IFT43: variants seen among roughly 807,000 people sequenced by gnomAD.
IFT43 encodes the protein intraflagellar transport protein 43 homolog.
In IFT43, 33 loss-of-function variants were observed where a neutral mutation model predicts 32.3. The observed-to-expected ratio is 1.02, with a 90% CI of 0.77 to 1.37. The LOEUF is 1.37. IFT43 is among the 40% of genes most tolerant of loss of function. The probability of loss-of-function intolerance (pLI) is 0.00; values close to 1 mark genes in which losing one functional copy is unlikely to be tolerated. For missense variants in IFT43, 274 were observed against 265.9 expected (o/e 1.03, Z -0.21); for synonymous variants, 93 against 98.2 (o/e 0.95, Z 0.31).
chr14:76,083,875 G>A (rs753940658), downstream of IFT43: 22 of 541,544 alleles, frequency 4.1e-5, no homozygotes, highest in African/African-American at 1.3e-4. Flanking sequence ...CGATTCAGGC[G>A]GAGAAGGAGT....
chr14:76,077,858 C>A (rs1031396707), intron 5 of IFT43, among the ~76,000 whole-genome samples: 1 of 152,188 alleles, frequency 6.6e-6, no homozygotes, highest in South Asian at 2.1e-4. Context: ...CTGGCTGAAT[C>A]CTGATTCTCC....
chr14:76,026,844 A>G (rs574458550), intron 3 of IFT43, among the ~76,000 whole-genome samples: 171 of 152,346 alleles, frequency 1.1e-3, no homozygotes, highest in Non-Finnish European at 2.0e-3. Flanking sequence ...ATGTTCATCA[A>G]TGGTAGACTG....
chr14:76,042,715 A>G (rs1215636158), intron 3 of IFT43, among the ~76,000 whole-genome samples: 1 of 152,194 alleles, frequency 6.6e-6, no homozygotes, highest in Admixed American at 6.5e-5. Flanking sequence ...ATTGGAAATG[A>G]TTGTCCCTTC....
At chr14:76,055,078 C>T (rs1355294118) in intron 3 of IFT43, among the ~76,000 whole-genome samples, 1 of 152,190 alleles carries the variant, frequency 6.6e-6, no homozygotes, top group African/African-American at 2.4e-5. Flanking sequence ...AGCACAGTGG[C>T]CCATGCCTGA....
chr14:76,082,842 A>G, intron 7 of IFT43, 150 bp downstream of exon 7: 1 of 739,302 alleles, frequency 1.4e-6, no homozygotes, highest in Non-Finnish European at 2.5e-6. Context: ...TGCAGGTTTT[A>G]TCATCATTCA....
Position 76,082,599 on chromosome 14 carries a change from G to A in IFT43, c.369-18G>A, listed in dbSNP as rs199590828. 4.7e-4 allele frequency: 758 copies of A among 1,614,016 alleles called. No homozygotes were observed. Among genetic ancestry groups the A allele is most frequent in the Admixed American group, 7.8e-4 (47 of 60,016 alleles). On this transcript the variant is annotated intron_variant, in intron 6 of 8. Coordinates refer to ENST00000314067, the MANE Select transcript of IFT43 (RefSeq NM_001102564.3). ...GTCCTGCCTGGGGTTCCCGCCTCTC[G>A]CTCTCTCTTTCCTTCAGCATCCAGA...
intron 2 of IFT43, among the ~76,000 whole-genome samples, chr14:76,012,911 T>C (rs79932646): frequency 6.6e-5 from 10 of 152,362 alleles, no homozygotes; most frequent in Non-Finnish European, 1.3e-4. Flanking sequence ...TTTTGAATTC[T>C]AGGATCAGGC....
At chr14:76,079,748 TC>T (rs1487379866) in intron 5 of IFT43, among the ~76,000 whole-genome samples, 6 of 152,244 alleles carry the variant, frequency 3.9e-5, no homozygotes. Context: ...TCTGTTAAAA[TC>T]GTGTGCTTTG....
chr14:76,075,869 G>C (rs749840665), intron 5 of IFT43, among the ~76,000 whole-genome samples: 3 of 152,214 alleles, frequency 2.0e-5, no homozygotes, highest in Non-Finnish European at 4.4e-5. Context: ...AAGTTTTGTA[G>C]CTGCAGAGAA....
At chr14:76,058,908 A>G in intron 4 of IFT43, 1 of 1,461,054 alleles carries the variant, frequency 6.8e-7, no homozygotes, top group Non-Finnish European at 9.0e-7. Flanking sequence ...TTTTAGAATT[A>G]TATGTCCAGG....
chr14:76,020,876 G>A (rs2036277307), intron 2 of IFT43, among the ~76,000 whole-genome samples: 1 of 152,174 alleles, frequency 6.6e-6, no homozygotes, highest in Non-Finnish European at 1.5e-5. Flanking sequence ...GGGTGGCAGT[G>A]GTGGGCCAGG....
Position 76,082,334 on chromosome 14 carries a change from A to G in IFT43, c.335A>G (p.Glu112Gly). 1 of 1,613,850 alleles carries G rather than the reference A, an allele frequency of 6.2e-7. No homozygotes were observed. The highest frequency in any genetic ancestry group is 1.1e-5 in the South Asian group (1 of 91,064). ...IIPDLEEVQE[E>G]DFVLQVAAPP... ...CCGGATCTGGAGGAAGTACAGGAAG[A>G]AGACTTTGTTTTGCAGGTGGCAGCC... The change falls in exon 6 of 9, where the codon GAA becomes GGA. Residue 112 changes from glutamate (E) to glycine (G), a missense_variant. Transcript: ENST00000314067.
At chr14:76,060,924 A>G (rs944410636) in intron 5 of IFT43, among the ~76,000 whole-genome samples, 7 of 137,480 alleles carry the variant, frequency 5.1e-5, no homozygotes. Context: ...TTTTTGAGAC[A>G]GGGTCTCACT....
chr14:76,038,102 T>C lies in IFT43; in HGVS notation c.215+15708T>C, dbSNP rs1289364816. ...AGCCGCAAAGAACCCGGAATCAGTA[T>C]GGCATGACCGGAGTCCTGGGCAACG... On this transcript the variant is annotated intron_variant, in intron 3 of 8. Coordinates refer to ENST00000314067, the MANE Select transcript of IFT43 (RefSeq NM_001102564.3). 4 of 152,340 alleles carry C rather than the reference T, an allele frequency of 2.6e-5. No homozygotes were observed. In the East Asian group the frequency reaches 5.8e-4, roughly 22 times the overall value. 9.4% of individuals were successfully genotyped at this position (152,340 alleles called of 1,614,324 possible). A position where few individuals can be genotyped will look rare whatever the true frequency, so the allele number is the denominator to read the frequency against.
intron 3 of IFT43, among the ~76,000 whole-genome samples, chr14:76,034,491 A>G (rs965969703): frequency 1.3e-5 from 2 of 152,198 alleles, no homozygotes; most frequent in Admixed American, 6.5e-5. Context: ...GCAGCACCTT[A>G]TATGTGCATT....
chr14:76,043,889 T>A (rs1341370841), intron 3 of IFT43, among the ~76,000 whole-genome samples: 1 of 152,150 alleles, frequency 6.6e-6, no homozygotes, highest in Non-Finnish European at 1.5e-5. Flanking sequence ...AAGCCCTGGG[T>A]TGTTTTACCT....
intron 5 of IFT43, chr14:76,076,772 G>A (rs947252659): frequency 1.7e-5 from 25 of 1,493,692 alleles, no homozygotes; most frequent in African/African-American, 1.2e-4. Context: ...TTTAGTGTGC[G>A]CATGTGATGA....
intron 3 of IFT43, among the ~76,000 whole-genome samples, chr14:76,025,747 A>C (rs994559615): frequency 6.6e-6 from 1 of 152,232 alleles, no homozygotes; most frequent in African/African-American, 2.4e-5. Flanking sequence ...GCTAGTCATA[A>C]GCAGAAGATT....
At chr14:76,025,192 C>T (rs1269135765) in intron 3 of IFT43, among the ~76,000 whole-genome samples, 4 of 152,130 alleles carry the variant, frequency 2.6e-5, no homozygotes, top group Admixed American at 2.0e-4. Context: ...TTTAGAATTT[C>T]CTTGAGCAGT....
Sources: gnomAD v4.1 joint callset for allele counts (sites outside exome capture counted in the v4.1 genomes callset) on GRCh38, gnomAD v4.1.1 for gene constraint, MANE v1.5 for transcripts, NCBI Gene and HGNC (gene_info 2026-07-23, HGNC 2026-07-21) for gene names.